The following CLTC variants were observed in gnomAD, a reference collection of about 807,000 sequenced individuals.
The protein encoded by CLTC is clathrin heavy chain 1.
Under a neutral mutation model 195.8 loss-of-function variants are expected in CLTC, and 16 were observed. The ratio of observed to expected loss-of-function variants is 0.08; its 90% CI spans 0.06 to 0.12. The LOEUF is 0.12. Among genes scored for constraint, CLTC ranks in the 10% least tolerant of loss-of-function variants. CLTC has a pLI of 1.00. For missense variants in CLTC, 796 were observed against 2,027.0 expected (o/e 0.39, Z 11.66); for synonymous variants, 667 against 689.4 (o/e 0.97, Z 0.51).
intron 6 of CLTC, among the ~76,000 whole-genome samples, chr17:59,659,253 G>A (rs2032550613): frequency 6.6e-6 from 1 of 152,002 alleles, no homozygotes; most frequent in Non-Finnish European, 1.5e-5. Flanking sequence ...GACTAGTTCT[G>A]CACTGGGGAA....
chr17:59,670,546 G>A (rs930117379), intron 14 of CLTC, among the ~76,000 whole-genome samples: 4 of 151,828 alleles, frequency 2.6e-5, no homozygotes, highest in East Asian at 1.9e-4. Flanking sequence ...GCAGTATTTG[G>A]TTTTCTGTTC....
At chr17:59,661,850 C>T (rs572992166) in intron 8 of CLTC, among the ~76,000 whole-genome samples, 91 of 152,176 alleles carry the variant, frequency 6.0e-4, no homozygotes, top group African/African-American at 2.0e-3. Context: ...GGCCTGTAAT[C>T]CCAGCACTTT....
At chr17:59,639,654 C>T (rs2031971492) in intron 1 of CLTC, among the ~76,000 whole-genome samples, 2 of 152,132 alleles carry the variant, frequency 1.3e-5, no homozygotes, top group South Asian at 4.2e-4. Context: ...TGACTTTATC[C>T]ATGCTTAGTT....
At chr17:59,655,289 G>A (rs1167003745) in intron 5 of CLTC, among the ~76,000 whole-genome samples, 1 of 152,194 alleles carries the variant, frequency 6.6e-6, no homozygotes, top group East Asian at 1.9e-4. Context: ...GAGAACAGCT[G>A]GTTGGTGGAG....
intron 1 of CLTC, among the ~76,000 whole-genome samples, chr17:59,620,773 G>A (rs1015919597): frequency 3.3e-5 from 5 of 152,170 alleles, no homozygotes; most frequent in Non-Finnish European, 5.9e-5. Flanking sequence ...GGGACAGAAG[G>A]TCACTGAAAG....
In CLTC at chr17:59,679,434, G is replaced by A. The variant is rs948203306; in HGVS notation, c.2834G>A (p.Arg945His). 2 of 1,605,880 alleles carry A rather than the reference G, an allele frequency of 1.2e-6. No homozygotes were observed. Among genetic ancestry groups the A allele is most frequent in the Non-Finnish European group, 1.7e-6 (2 of 1,175,668 alleles). ...AATTCCCTCTTCAAAAGTCTTTCTCGCTACCTGGTACGTCGAAAGGATCCA... is the reference window on the plus strand; with the variant it reads ...AATTCCCTCTTCAAAAGTCTTTCTCACTACCTGGTACGTCGAAAGGATCCA... ...NENSLFKSLS[R>H]YLVRRKDPEL... The change falls in exon 18 of 32, where the codon CGC becomes CAC. Residue 945 changes from arginine to histidine, a missense_variant. Physicochemically the swap from Arg to His is conservative, Grantham distance 29. Transcript: ENST00000269122.
In CLTC at chr17:59,655,983, C is replaced by T. The variant is rs1446971777; in HGVS notation, c.925C>T (p.His309Tyr). 1.2e-6 allele frequency: 2 copies of T among 1,612,342 alleles called. No homozygotes were observed. Among genetic ancestry groups the T allele is most frequent in the Non-Finnish European group, 1.7e-6 (2 of 1,179,536 alleles). ...AGAAACAATTTTTGTTACTGCACCT[C>T]ATGAAGCCACAGCTGGAATAATTGG... ...SGETIFVTAP[H>Y]EATAGIIGVN... is the part of the protein sequence containing the mutation. Residue 309 changes from histidine to tyrosine, a missense_variant, in exon 6 of 32, where the codon CAT (histidine) becomes TAT (tyrosine). Physicochemically the swap from His to Tyr is moderately conservative, Grantham distance 83 (BLOSUM62 2). Transcript: ENST00000269122.
Position 59,696,594 on chromosome 17 carries a change from A to G in CLTC, c.*2742A>G, listed in dbSNP as rs554507458. On this transcript the variant is annotated 3_prime_UTR_variant, in exon 32 of 32. Transcript: ENST00000269122. ...GGGGAGTTGGGACCCTCTGCCTCAT[A>G]TTCTGGGTAACTGGTATAACATAGT... 1 of 213,540 alleles carries G rather than the reference A, an allele frequency of 4.7e-6. No individual in the cohort carries two copies. Among genetic ancestry groups the G allele is most frequent in the East Asian group, 7.1e-5 (1 of 14,122 alleles). 13.2% of individuals were successfully genotyped at this position (213,540 alleles called of 1,614,324 possible). A position where few individuals can be genotyped will look rare whatever the true frequency, so the allele number is the denominator to read the frequency against.
At chr17:59,659,084 C>T (rs1027598366) in intron 6 of CLTC, among the ~76,000 whole-genome samples, 6 of 152,104 alleles carry the variant, frequency 3.9e-5, no homozygotes, top group South Asian at 2.1e-4. Context: ...AAATTAAATA[C>T]GTTTTATGCT....
At chr17:59,620,786 C>T (rs1261610117) in intron 1 of CLTC, among the ~76,000 whole-genome samples, 1 of 152,062 alleles carries the variant, frequency 6.6e-6, no homozygotes, top group African/African-American at 2.4e-5. Context: ...ACTGAAAGAA[C>T]GGAACGAGGG....
Position 59,681,462 on chromosome 17 carries a change from A to G in CLTC, c.3233A>G (p.Asn1078Ser), listed in dbSNP as rs759911857. The stretch of plus-strand genomic sequence containing the variant: ...GCCATTTTCCGGAAATTTGATGTCA[A>G]TACTTCAGCAGTTCAGGTAAATCTT... ...AFAIFRKFDV[N>S]TSAVQVLIEH... Residue 1078 changes from asparagine (N) to serine (S), a missense_variant, in exon 20 of 32, where the codon AAT becomes AGT. Asn to Ser is a conservative substitution (Grantham distance 46). Around this residue, in one of 9 missense-constraint regions of CLTC, gnomAD observed 160 missense variants for 448.2 expected, o/e 0.36. Transcript: ENST00000269122. The surrounding 1 kb of genome is among the most constrained non-coding windows in gnomAD (Gnocchi z 5.0). 12 of 1,613,928 alleles carry G rather than the reference A, an allele frequency of 7.4e-6. No homozygotes were observed. Among genetic ancestry groups the G allele is most frequent in the East Asian group, 2.2e-5 (1 of 44,886 alleles).
rs1336780943 is a variant in CLTC, at chr17:59,696,736, TAC to T, written c.*2886_*2887del. The stretch of plus-strand genomic sequence containing the variant: ...CAGGGATGACAAACTACGTTCACTT[TAC>T]AGTTACCATAAATTCTTACTTGGGC... On this transcript the variant is annotated 3_prime_UTR_variant, in exon 32 of 32. Transcript: ENST00000269122. 9.7e-6 allele frequency: 2 copies of T among 207,208 alleles called. No homozygotes were observed. Among genetic ancestry groups the T allele is most frequent in the East Asian group, 1.5e-4 (2 of 13,634 alleles). 12.8% of individuals were successfully genotyped at this position (207,208 alleles called of 1,614,324 possible).
intron 17 of CLTC, 95 bp from the exon 18 acceptor site, chr17:59,679,302 A>G (rs911583052): frequency 6.9e-6 from 7 of 1,011,450 alleles, no homozygotes; most frequent in African/African-American, 4.9e-5. Context: ...AAGATTATCA[A>G]TAAACATAGT....
intron 14 of CLTC, 102 bp from the exon 15 acceptor site, chr17:59,673,541 TTGTG>T: frequency 3.8e-6 from 3 of 781,050 alleles, no homozygotes; most frequent in Non-Finnish European, 6.3e-6. Flanking sequence ...AGAGCTATGT[TTGTG>T]TGAGCCTCTC....
chr17:59,634,007 C>T (rs1189313101), intron 1 of CLTC, among the ~76,000 whole-genome samples: 2 of 152,178 alleles, frequency 1.3e-5, no homozygotes, highest in East Asian at 3.8e-4. Flanking sequence ...CTCCTGGACT[C>T]AAACAATCTT....
At position 59,695,923 on chromosome 17, in the gene CLTC, T is replaced by G. The variant is rs148009442; in HGVS notation, c.*2071T>G. ...GAGTATACTTTGAAAACTATAAGAT[T>G]ATGAGTTCTATAAAATACCAAGTAC... is the stretch of plus-strand genomic sequence containing the variant. On this transcript the variant is annotated 3_prime_UTR_variant, in exon 32 of 32. Transcript: ENST00000269122. The G allele has an allele frequency of 2.6e-3, 531 of 203,198 alleles. 1 individual carries two copies. Among genetic ancestry groups the G allele is most frequent in the Non-Finnish European group, 4.5e-3 (450 of 99,110 alleles). 12.6% of individuals were successfully genotyped at this position (203,198 alleles called of 1,614,324 possible). A position where few individuals can be genotyped will look rare whatever the true frequency, so the allele number is the denominator to read the frequency against.
Position 59,651,248 on chromosome 17 carries a change from T to A in CLTC, c.727T>A (p.Phe243Ile). 6.2e-7 allele frequency: 1 copy of A among 1,614,030 alleles called. No individual in the cohort carries two copies. Among genetic ancestry groups the A allele is most frequent in the Non-Finnish European group, 8.5e-7 (1 of 1,179,914 alleles). The change falls in exon 5 of 32, where the codon TTT (phenylalanine) becomes ATT (isoleucine). Residue 243 changes from phenylalanine (F) to isoleucine (I), a missense_variant. Coordinates refer to ENST00000269122, the MANE Select transcript of CLTC (RefSeq NM_004859.4). Reference sequence around the variant, plus strand: ...CACACCACCTACAGGGAACCAGCCCTTTCCAAAGAAGGCAGTGGATGTCTT... The same window carrying A: ...CACACCACCTACAGGGAACCAGCCCATTCCAAAGAAGGCAGTGGATGTCTT... ...VGTPPTGNQP[F>I]PKKAVDVFFP... is the part of the protein sequence containing the mutation.
rs550193001 is a variant in CLTC at position 59,635,927 on chromosome 17, C to T, written c.43-8349C>T. ...CAGTCTGTTTAAGAACAATCTATAT[C>T]GGCCAGGCGTGGTGGCTCATGCCTG... On this transcript the variant is annotated intron_variant, in intron 1 of 31. Transcript: ENST00000269122. Among the ~76,000 whole-genome samples, 6 of 152,152 alleles carry T rather than the reference C, an allele frequency of 3.9e-5. No homozygotes were observed. In the East Asian group the frequency reaches 9.7e-4, roughly 25 times the overall value.
At chr17:59,686,758 G>A (rs1008236473) in intron 30 of CLTC, among the ~76,000 whole-genome samples, 6 of 152,192 alleles carry the variant, frequency 3.9e-5, no homozygotes, top group Non-Finnish European at 7.4e-5. Flanking sequence ...CCTAAGTGCT[G>A]TAAATTTTTC....
Sources: gnomAD v4.1 joint callset for allele counts (sites outside exome capture counted in the v4.1 genomes callset) on GRCh38, gnomAD v4.1.1 for gene constraint, gnomAD v4.1.1 regional missense constraint, Gnocchi (gnomAD v3.1) non-coding constraint, MANE v1.5 for transcripts, NCBI Gene and HGNC (gene_info 2026-07-23, HGNC 2026-07-21) for gene names.